Variants in ME1 observed in about 807,000 individuals in gnomAD.
The protein encoded by ME1 is NADP-dependent malic enzyme.
In ME1, 74 loss-of-function variants were observed where a neutral mutation model predicts 66.4. The observed-to-expected ratio is 1.11, with a 90% CI of 0.92 to 1.35. The LOEUF is 1.35. ME1 is among the 40% of genes most tolerant of loss of function. ME1 has a pLI of 0.00. For missense variants in ME1, 750 were observed against 694.1 expected (o/e 1.08, Z -0.90); for synonymous variants, 251 against 235.6 (o/e 1.07, Z -0.60).
At chr6:83,332,377 C>T (rs187386382) in intron 5 of ME1, among the ~76,000 whole-genome samples, 38 of 152,280 alleles carry the variant, frequency 2.5e-4, no homozygotes, top group Non-Finnish European at 4.9e-4. Flanking sequence ...AGTAGATCTA[C>T]TATTCAATCC....
At chr6:83,367,635 T>C (rs1475004817) in intron 3 of ME1, among the ~76,000 whole-genome samples, 1 of 152,168 alleles carries the variant, frequency 6.6e-6, no homozygotes, top group East Asian at 1.9e-4. Context: ...CAACCTCTAC[T>C]AGCTTCACCA....
intron 6 of ME1, among the ~76,000 whole-genome samples, chr6:83,285,115 A>G (rs1767372976): frequency 6.6e-6 from 1 of 152,202 alleles, no homozygotes; most frequent in African/African-American, 2.4e-5. Flanking sequence ...GAATGGGGGT[A>G]TAATATATCA....
intron 1 of ME1, among the ~76,000 whole-genome samples, chr6:83,423,253 T>C (rs1026234410): frequency 2.6e-5 from 4 of 151,536 alleles, no homozygotes. Flanking sequence ...TATATAACTA[T>C]TGAAAATATC....
In ME1 at chr6:83,376,142, T is replaced by G. The variant is rs577236029; in HGVS notation, c.362+22225A>C. The stretch of plus-strand genomic sequence containing the variant: ...TATCTGCATCATGTTAATCTTGACA[T>G]TATGATTTTTATTAATCATATAAGC... On this transcript the variant is annotated intron_variant, in intron 3 of 13. Coordinates refer to ENST00000369705, the MANE Select transcript of ME1 (RefSeq NM_002395.6). 1.1e-3 allele frequency among the ~76,000 whole-genome samples: 166 copies of G among 152,314 alleles called. 1 individual carries two copies. Among genetic ancestry groups the G allele is most frequent in the African/African-American group, 3.9e-3 (162 of 41,574 alleles).
Position 83,228,927 on chromosome 6 carries a change from C to G in ME1, c.1031G>C (p.Arg344Pro). The change falls in exon 10 of 14, where the codon CGT becomes CCT. Residue 344 changes from arginine to proline, a missense_variant. Physicochemically the swap from Arg to Pro is moderately radical, Grantham distance 103. Coordinates refer to ENST00000369705, the MANE Select transcript of ME1 (RefSeq NM_002395.6). ...CTCTTTCTCTTGTGTTAAGGAAGCACGTCCCTAAGTAAAGCCAGTAAGAAA... is the reference window on the plus strand; with the variant it reads ...CTCTTTCTCTTGTGTTAAGGAAGCAGGTCCCTAAGTAAAGCCAGTAAGAAA... Reference protein sequence around the residue: ...VDSKGLIVKGRASLTQEKEKF... With the variant: ...VDSKGLIVKGPASLTQEKEKF... 1 of 1,606,892 alleles carries G rather than the reference C, an allele frequency of 6.2e-7. No homozygotes were observed. Among genetic ancestry groups the G allele is most frequent in the South Asian group, 1.1e-5 (1 of 89,564 alleles).
At position 83,216,544 on chromosome 6, in the gene ME1, G is replaced by A; in HGVS notation, c.1502C>T (p.Pro501Leu). 1.9e-6 allele frequency: 3 copies of A among 1,611,660 alleles called. No individual in the cohort carries two copies. Among genetic ancestry groups the A allele is most frequent in the Admixed American group, 1.7e-5 (1 of 59,700 alleles). The change falls in exon 13 of 14, where the codon CCT (proline) becomes CTT (leucine). Residue 501 changes from proline to leucine, a missense_variant. Pro to Leu is a moderately conservative substitution (Grantham distance 98). Coordinates refer to ENST00000369705, the MANE Select transcript of ME1 (RefSeq NM_002395.6). The stretch of plus-strand genomic sequence containing the variant: ...AACATCTCTAATGGTATTCAAAGGA[G>A]GATAAAGCCGACCCTCTTCCAAGTG... Reference protein sequence around the residue: ...DKHLEEGRLYPPLNTIRDVSL... With the variant: ...DKHLEEGRLYLPLNTIRDVSL...
intron 3 of ME1, among the ~76,000 whole-genome samples, chr6:83,382,977 C>A (rs548371947): frequency 6.6e-6 from 1 of 151,936 alleles, no homozygotes; most frequent in African/African-American, 2.4e-5. Context: ...GTATGGGCCT[C>A]ATCCAGTCAG....
chr6:83,357,935 C>A (rs4054060), intron 3 of ME1, among the ~76,000 whole-genome samples: 502 of 29,964 alleles, frequency 0.017, 7 homozygotes, highest in East Asian at 0.019. Context: ...CTCTCTCTCT[C>A]TATATATATA....
At chr6:83,356,776 T>C (rs1283113987) in intron 3 of ME1, among the ~76,000 whole-genome samples, 1 of 152,146 alleles carries the variant, frequency 6.6e-6, no homozygotes, top group Non-Finnish European at 1.5e-5. Context: ...ATGATTTAAA[T>C]AGCCAACATG....
At position 83,231,662 on chromosome 6, in the gene ME1, T is replaced by C. The variant is rs560789656; in HGVS notation, c.1027-2731A>G. Among the ~76,000 whole-genome samples the C allele has an allele frequency of 2.0e-5, 3 of 152,314 alleles. No individual in the cohort carries two copies. In the South Asian group the frequency reaches 6.2e-4, roughly 32 times the overall value. ...TTTTCTTTATTTTTCAAAATCTGAT[T>C]TGGAATACATATTCGTTATGCCAAT... On this transcript the variant is annotated intron_variant, in intron 9 of 13. Transcript: ENST00000369705.
intron 2 of ME1, among the ~76,000 whole-genome samples, chr6:83,404,260 T>G (rs962814771): frequency 2.1e-5 from 3 of 140,594 alleles, no homozygotes; most frequent in Non-Finnish European, 3.2e-5. Flanking sequence ...TGACCAGTGA[T>G]GATGAGTTTT....
At chr6:83,235,615 C>T (rs978989856) in intron 9 of ME1, among the ~76,000 whole-genome samples, 8 of 151,976 alleles carry the variant, frequency 5.3e-5, no homozygotes, top group South Asian at 4.2e-4. Context: ...GGACTACAGG[C>T]GCCCACCACC....
intron 6 of ME1, among the ~76,000 whole-genome samples, chr6:83,305,163 T>C (rs901233714): frequency 7.2e-5 from 11 of 152,156 alleles, no homozygotes; most frequent in African/African-American, 2.7e-4. Context: ...CCTTTAAGTA[T>C]CTCAATTGAG....
At chr6:83,305,258 C>T (rs1229400280) in intron 6 of ME1, among the ~76,000 whole-genome samples, 1 of 151,914 alleles carries the variant, frequency 6.6e-6, no homozygotes, top group African/African-American at 2.4e-5. Context: ...AAAGTAGATC[C>T]CTGTCCTTGA....
At chr6:83,359,820 G>C (rs372596839) in intron 3 of ME1, among the ~76,000 whole-genome samples, 25 of 152,298 alleles carry the variant, frequency 1.6e-4, no homozygotes, top group African/African-American at 5.8e-4. Flanking sequence ...TCCTCTGCAT[G>C]TCAGATGTAA....
intron 5 of ME1, among the ~76,000 whole-genome samples, chr6:83,333,261 G>A (rs960869691): frequency 2.0e-5 from 3 of 152,098 alleles, no homozygotes; most frequent in Admixed American, 1.3e-4. Context: ...AAAATATGCA[G>A]AGATTCAAAA....
At chr6:83,287,684 G>A (rs937773726) in intron 6 of ME1, among the ~76,000 whole-genome samples, 3 of 152,130 alleles carry the variant, frequency 2.0e-5, no homozygotes, top group African/African-American at 7.2e-5. Context: ...TGGGAAAGCT[G>A]GGTCAAATGG....
At chr6:83,308,346 CT>C (rs1767863200) in intron 6 of ME1, among the ~76,000 whole-genome samples, 1 of 151,714 alleles carries the variant, frequency 6.6e-6, no homozygotes, top group Non-Finnish European at 1.5e-5. Context: ...TTCTTAAAAG[CT>C]TACTTGAGGT....
At chr6:83,411,987 T>C (rs752451389) in intron 1 of ME1, among the ~76,000 whole-genome samples, 7 of 152,174 alleles carry the variant, frequency 4.6e-5, no homozygotes, top group Non-Finnish European at 1.0e-4. Flanking sequence ...TATGTATATC[T>C]TCTTGACAAA....
Sources: allele counts gnomAD v4.1 joint callset (sites outside exome capture counted in the v4.1 genomes callset), GRCh38; gene constraint gnomAD v4.1.1; transcripts MANE v1.5; gene names NCBI Gene and HGNC (gene_info 2026-07-23, HGNC 2026-07-21).